GRIK2: variants seen among roughly 807,000 people sequenced by gnomAD.
GRIK2 encodes the protein glutamate ionotropic receptor kainate type subunit 2, also known as glutamate receptor ionotropic, kainate 2.
Under a neutral mutation model 100.3 loss-of-function variants are expected in GRIK2, and 32 were observed. That is an observed-to-expected ratio of 0.32 (90% confidence interval 0.24 to 0.43). The LOEUF (loss-of-function observed/expected upper bound fraction) is 0.43. GRIK2 is among the 20% of genes least tolerant of loss of function. The probability of loss-of-function intolerance (pLI) is 1.00; values close to 1 mark genes in which losing one functional copy is unlikely to be tolerated. For synonymous variants in GRIK2, 417 were observed against 389.4 expected (o/e 1.07, Z -0.83); for missense variants, 843 against 1,114.9 (o/e 0.76, Z 3.47).
intron 2 of GRIK2, among the ~76,000 whole-genome samples, chr6:101,505,789 A>AC (rs1264656670): frequency 1.3e-5 from 2 of 151,800 alleles, no homozygotes; most frequent in African/African-American, 2.4e-5. Context: ...AAAAAAAAAA[A>AC]AAACTAGAAA....
intron 7 of GRIK2, among the ~76,000 whole-genome samples, chr6:101,696,697 A>T (rs1041223340): frequency 6.6e-6 from 1 of 151,844 alleles, no homozygotes; most frequent in Non-Finnish European, 1.5e-5. Context: ...TCAAGACATC[A>T]TGGGGCAGTT....
intron 7 of GRIK2, among the ~76,000 whole-genome samples, chr6:101,716,024 C>G (rs1239333035): frequency 6.6e-6 from 1 of 151,812 alleles, no homozygotes; most frequent in Non-Finnish European, 1.5e-5. Context: ...CCTCCACTTC[C>G]ACCTTCTACC....
intron 9 of GRIK2, among the ~76,000 whole-genome samples, chr6:101,802,746 A>T (rs1780753483): frequency 6.6e-6 from 1 of 151,874 alleles, no homozygotes; most frequent in South Asian, 2.1e-4. Context: ...TTGGTTTAAT[A>T]TGGGTCTTTA....
intron 14 of GRIK2, among the ~76,000 whole-genome samples, chr6:101,989,186 A>G (rs73498701): frequency 0.071 from 10,774 of 151,962 alleles, 937 homozygotes; most frequent in African/African-American, 0.21. Context: ...TTTATTATTT[A>G]CTTGTAATAA....
chr6:101,402,617 C>T (rs918487652), intron 2 of GRIK2, among the ~76,000 whole-genome samples: 1 of 152,204 alleles, frequency 6.6e-6, no homozygotes. Flanking sequence ...TGTCACCCCG[C>T]CTTTGATCCT....
chr6:102,006,309 C>CAAT (rs1795221408), intron 14 of GRIK2, among the ~76,000 whole-genome samples: 1 of 134,940 alleles, frequency 7.4e-6, no homozygotes. Flanking sequence ...TTTCTTGGTA[C>CAAT]AATAGTTAGG....
At chr6:101,860,846 A>C (rs1438867017) in intron 11 of GRIK2, 1 of 373,978 alleles carries the variant, frequency 2.7e-6, no homozygotes, top group Non-Finnish European at 3.7e-6. Context: ...GAAAAGGTCC[A>C]TTCAGTTGTT....
intron 14 of GRIK2, among the ~76,000 whole-genome samples, chr6:101,935,002 G>A (rs1790529188): frequency 1.3e-5 from 2 of 151,912 alleles, no homozygotes; most frequent in South Asian, 4.1e-4. Context: ...TTCTTTAAAT[G>A]TTTTTCATAT....
At chr6:101,995,830 C>T (rs1794623102) in intron 14 of GRIK2, among the ~76,000 whole-genome samples, 1 of 151,764 alleles carries the variant, frequency 6.6e-6, no homozygotes, top group Non-Finnish European at 1.5e-5. Context: ...ATGGTCATAC[C>T]TATTCACAAA....
At chr6:102,060,847 A>T (rs1461186208) in intron 16 of GRIK2, among the ~76,000 whole-genome samples, 1 of 150,602 alleles carries the variant, frequency 6.6e-6, no homozygotes, top group Non-Finnish European at 1.5e-5. Flanking sequence ...TTTTCTTAAA[A>T]TGCGTTTCAC....
At chr6:101,717,232 G>A (rs930796374) in intron 7 of GRIK2, among the ~76,000 whole-genome samples, 2 of 151,686 alleles carry the variant, frequency 1.3e-5, no homozygotes, top group Admixed American at 6.6e-5. Flanking sequence ...GAGAAAAAAC[G>A]AAGGGGGTTG....
chr6:101,648,621 C>T (rs1781641091), intron 4 of GRIK2, among the ~76,000 whole-genome samples: 1 of 151,942 alleles, frequency 6.6e-6, no homozygotes, highest in Admixed American at 6.6e-5. Flanking sequence ...ATCCAAATAA[C>T]AATTTACATG....
chr6:101,690,723 T>A lies in GRIK2; in HGVS notation c.951+4370T>A, dbSNP rs369622791. Among the ~76,000 whole-genome samples, 8 of 152,102 alleles carry A rather than the reference T, an allele frequency of 5.3e-5. No individual in the cohort carries two copies. In the South Asian group the frequency reaches 1.0e-3, roughly 20 times the overall value. On this transcript the variant is annotated intron_variant, in intron 7 of 16. Transcript: ENST00000369134. ...TGCTCCCTGTTCCACCAAGCCACCC[T>A]CTCATCTCACCTTTGATGTGTTGTC...
At chr6:101,869,754 C>T (rs1476335695) in intron 11 of GRIK2, among the ~76,000 whole-genome samples, 1 of 151,768 alleles carries the variant, frequency 6.6e-6, no homozygotes, top group Non-Finnish European at 1.5e-5. Context: ...TCAAATCTGT[C>T]TCCTCAAGTT....
intron 14 of GRIK2, among the ~76,000 whole-genome samples, chr6:101,950,091 T>C (rs1392796527): frequency 6.6e-6 from 1 of 152,174 alleles, no homozygotes; most frequent in African/African-American, 2.4e-5. Context: ...TTTCTCATTT[T>C]AATCTCCTGA....
chr6:101,730,470 C>G (rs1775184330), intron 7 of GRIK2, among the ~76,000 whole-genome samples: 1 of 151,760 alleles, frequency 6.6e-6, no homozygotes. Context: ...CCTTTTTTCC[C>G]CACCAGTACT....
intron 4 of GRIK2, among the ~76,000 whole-genome samples, chr6:101,645,068 C>A (rs980504344): frequency 1.3e-5 from 2 of 151,466 alleles, no homozygotes; most frequent in African/African-American, 2.4e-5. Flanking sequence ...TGTTGTTTAG[C>A]CCCTGAGACA....
chr6:101,774,807 C>T (rs1324512751), intron 7 of GRIK2, among the ~76,000 whole-genome samples: 2 of 151,856 alleles, frequency 1.3e-5, no homozygotes, highest in Non-Finnish European at 2.9e-5. Flanking sequence ...GATAATGTGG[C>T]AGTAAAAACA....
chr6:101,960,342 A>G (rs1055231357), intron 14 of GRIK2, among the ~76,000 whole-genome samples: 2 of 151,820 alleles, frequency 1.3e-5, no homozygotes, highest in Non-Finnish European at 2.9e-5. Flanking sequence ...CAGAATTTTC[A>G]TTTAGTTTTG....
Sources: allele counts gnomAD v4.1 joint callset (sites outside exome capture counted in the v4.1 genomes callset), GRCh38; gene constraint gnomAD v4.1.1; transcripts MANE v1.5; gene names NCBI Gene and HGNC (gene_info 2026-07-23, HGNC 2026-07-21).